Variants in DOT1L observed in about 807,000 individuals in gnomAD.
DOT1L encodes histone-lysine N-methyltransferase, H3 lysine-79 specific.
In DOT1L, 33 loss-of-function variants were observed where a neutral mutation model predicts 153.3. That is an observed-to-expected ratio of 0.22 (90% CI 0.16 to 0.29). The LOEUF (loss-of-function observed/expected upper bound fraction) is 0.29, where lower values mean the gene tolerates loss of function less well. Ranked by LOEUF, DOT1L falls within the 10% of genes least tolerant of loss-of-function variation. The pLI is 1.00. For synonymous variants in DOT1L, 1,135 were observed against 965.1 expected, an observed-to-expected ratio of 1.18 and a Z score of -3.26; for missense variants, 1,847 against 2,119.9, an observed-to-expected ratio of 0.87 and a Z score of 2.53.
chr19:2,173,607 G>A (rs2021762415), intron 1 of DOT1L, among the ~76,000 whole-genome samples: 1 of 152,164 alleles, frequency 6.6e-6, no homozygotes, highest in South Asian at 2.1e-4. Context: ...CCAGCCGGGT[G>A]GTGCCATCCG....
Position 2,208,921 on chromosome 19 carries a change from T to C in DOT1L, c.964-14T>C. The C allele has an allele frequency of 6.2e-7, 1 of 1,612,462 alleles. No individual in the cohort carries two copies. The highest frequency in any genetic ancestry group is 8.5e-7 in the Non-Finnish European group (1 of 1,179,418). On this transcript the variant is annotated splice_polypyrimidine_tract_variant and intron_variant, in intron 11 of 27. Transcript: ENST00000398665. The surrounding 1 kb of genome is among the most constrained non-coding windows in gnomAD (Gnocchi z 4.4). ...GGACTCCCTTCTAATCAGGGTTCTC[T>C]TTCTTCTTTTTAGCTTGAAAACTAT...
At chr19:2,169,150 C>T (rs1488345635) in intron 1 of DOT1L, among the ~76,000 whole-genome samples, 1 of 152,056 alleles carries the variant, frequency 6.6e-6, no homozygotes, top group East Asian at 1.9e-4. Context: ...GGCCTGGAGC[C>T]CGGCTGTGGG....
At chr19:2,176,005 AC>A (rs2021912536) in intron 1 of DOT1L, among the ~76,000 whole-genome samples, 1 of 151,884 alleles carries the variant, frequency 6.6e-6, no homozygotes, top group Non-Finnish European at 1.5e-5. Context: ...TGATCACCCA[AC>A]CTCTGTGTCC....
intron 1 of DOT1L, among the ~76,000 whole-genome samples, chr19:2,174,383 C>T: frequency 6.6e-6 from 1 of 152,234 alleles, no homozygotes; most frequent in South Asian, 2.1e-4. Context: ...GGTTGAGGGT[C>T]AAGTCTAAAA....
At chr19:2,177,542 T>C (rs1282182943) in intron 1 of DOT1L, among the ~76,000 whole-genome samples, 1 of 152,132 alleles carries the variant, frequency 6.6e-6, no homozygotes, top group Non-Finnish European at 1.5e-5. Context: ...ATAGAGCTAA[T>C]ATTTGTGTTA....
rs902863852 is a variant in DOT1L at position 2,227,520 on chromosome 19, G to T, written c.4606+393G>T. The T allele has an allele frequency of 1.2e-3, 620 of 526,598 alleles. 1 individual carries two copies. Among genetic ancestry groups the T allele is most frequent in the South Asian group, 2.2e-3 (136 of 61,678 alleles). 32.6% of individuals were successfully genotyped at this position (526,598 alleles called of 1,614,324 possible). A position where few individuals can be genotyped will look rare whatever the true frequency, so the allele number is the denominator to read the frequency against. Reference sequence around the variant, plus strand: ...CCAGACAGGGCGGAGAGGAGCCGCCGGGGGGAGCGGCCTGGCCCTGGGGCT... The same window carrying T: ...CCAGACAGGGCGGAGAGGAGCCGCCTGGGGGAGCGGCCTGGCCCTGGGGCT... On this transcript the variant is annotated intron_variant, in intron 27 of 27. Coordinates refer to ENST00000398665, the MANE Select transcript of DOT1L (RefSeq NM_032482.3).
intron 7 of DOT1L, among the ~76,000 whole-genome samples, chr19:2,199,387 A>AGCCTGGCCGAGTGTCGCTGCCT (rs1197662049): frequency 6.6e-6 from 1 of 152,212 alleles, no homozygotes; most frequent in Non-Finnish European, 1.5e-5. Flanking sequence ...AGGCTTTCTC[A>AGCCTGGCCGAGTGTCGCTGCCT]GCCTGGCCGA....
Position 2,220,230 on chromosome 19 carries a change from C to G in DOT1L, c.2806+8C>G. 2.5e-6 allele frequency: 4 copies of G among 1,608,654 alleles called. No individual in the cohort carries two copies. The highest frequency in any genetic ancestry group is 3.4e-6 in the Non-Finnish European group (4 of 1,177,392). On this transcript the variant is annotated splice_region_variant and intron_variant, in intron 23 of 27. Transcript: ENST00000398665. The surrounding 1 kb of genome is among the most constrained non-coding windows in gnomAD (Gnocchi z 4.5). ...TTGCCCTGGCCCCCGCAGGTAACGC[C>G]CCTCCTGTGCCCTACCCTCAGGACT...
rs892097786 is a variant in DOT1L, at chr19:2,197,259, T to C, written c.652-2625T>C. On this transcript the variant is annotated intron_variant, in intron 7 of 27. Transcript: ENST00000398665. This position sits in a 1 kb window ranked among gnomAD's most constrained non-coding sequence, Gnocchi z 4.1. Reference sequence around the variant, plus strand: ...TCATGGTGATTGTTCCCAAATGCTGTGCCCACAGTGGAAGCTGTGTGGTGT... The same window carrying C: ...TCATGGTGATTGTTCCCAAATGCTGCGCCCACAGTGGAAGCTGTGTGGTGT... Among the ~76,000 whole-genome samples, 5 of 152,196 alleles carry C rather than the reference T, an allele frequency of 3.3e-5. No individual in the cohort carries two copies. The highest frequency in any genetic ancestry group is 7.4e-5 in the Non-Finnish European group (5 of 68,026).
intron 6 of DOT1L, 59 bp from the exon 7 acceptor site, chr19:2,194,456 C>T (rs2144756016): frequency 6.3e-7 from 1 of 1,596,804 alleles, no homozygotes. Context: ...CAGGCGTGAG[C>T]CACCGCGCCT....
chr19:2,217,274 T>C lies in DOT1L; in HGVS notation c.2544+184T>C, dbSNP rs1202952700. On this transcript the variant is annotated intron_variant, in intron 21 of 27. Transcript: ENST00000398665. The surrounding 1 kb of genome is among the most constrained non-coding windows in gnomAD (Gnocchi z 7.3). ...AGTAAGGACAGGTCACAGGTGACGT[T>C]GGGCAGGTGCCATGGAGGACATGGG... Among the ~76,000 whole-genome samples the C allele has an allele frequency of 1.3e-5, 2 of 152,110 alleles. No individual in the cohort carries two copies. Among genetic ancestry groups the C allele is most frequent in the African/African-American group, 4.8e-5 (2 of 41,412 alleles).
intron 7 of DOT1L, 116 bp from the exon 8 acceptor site, chr19:2,199,768 T>G (rs1355427249): frequency 1.4e-6 from 2 of 1,380,064 alleles, no homozygotes; most frequent in African/African-American, 2.9e-5. Context: ...GGCCTCCTCC[T>G]GCTCCTTCAC....
rs749692146 is a variant in DOT1L, at chr19:2,217,134, C to T, written c.2544+44C>T. The stretch of plus-strand genomic sequence containing the variant: ...GCCCCGGGCTCAGGGAGGTGCTCAG[C>T]AGAGGCGGCCTGAGCGAGTTGCTAG... On this transcript the variant is annotated intron_variant, in intron 21 of 27. Coordinates refer to ENST00000398665, the MANE Select transcript of DOT1L (RefSeq NM_032482.3). The surrounding 1 kb of genome is among the most constrained non-coding windows in gnomAD (Gnocchi z 7.3). The T allele has an allele frequency of 1.4e-5, 22 of 1,529,320 alleles. No homozygotes were observed. The highest frequency in any genetic ancestry group is 1.8e-5 in the Non-Finnish European group (20 of 1,139,716). 94.7% of individuals were successfully genotyped at this position (1,529,320 alleles called of 1,614,324 possible).
Position 2,216,685 on chromosome 19 carries a change from G to A in DOT1L, c.2328G>A (p.Pro776=), listed in dbSNP as rs749662085. 8.7e-6 allele frequency: 14 copies of A among 1,603,234 alleles called. No individual in the cohort carries two copies. Among genetic ancestry groups the A allele is most frequent in the Admixed American group, 3.3e-5 (2 of 59,998 alleles). Residue 776 remains proline, a synonymous_variant, in exon 20 of 28, where the codon CCG becomes CCA. Transcript: ENST00000398665. ...CACCCGACTACACTAGGCTGTCCCC[G>A]GCCAAGATTGTGCTGAGGCGGCACC... is the stretch of plus-strand genomic sequence containing the variant. ...LAAPDYTRLS[P]AKIVLRRHLS... is the part of the protein sequence containing the mutation.
intron 22 of DOT1L, 117 bp downstream of exon 22, chr19:2,218,035 A>G (rs1443096393): frequency 1.4e-6 from 2 of 1,424,860 alleles, no homozygotes; most frequent in Non-Finnish European, 1.9e-6. Flanking sequence ...AGCGTGAGGC[A>G]ATGCAGTCAA....
chr19:2,183,144 G>T (rs13382139), intron 2 of DOT1L, among the ~76,000 whole-genome samples: 25 of 152,188 alleles, frequency 1.6e-4, no homozygotes, highest in African/African-American at 5.8e-4. Context: ...GTCCCCATAC[G>T]GCCAGTGTCC....
chr19:2,183,335 T>G (rs1184433790), intron 2 of DOT1L, among the ~76,000 whole-genome samples: 2 of 151,812 alleles, frequency 1.3e-5, no homozygotes, highest in African/African-American at 4.8e-5. Flanking sequence ...CACGCCCAGC[T>G]AATTTTTGTA....
chr19:2,187,643 C>CT (rs2022576168), intron 3 of DOT1L, among the ~76,000 whole-genome samples: 9 of 152,160 alleles, frequency 5.9e-5, no homozygotes. Flanking sequence ...AACACAGGGG[C>CT]TGGGCACCGT....
intron 3 of DOT1L, among the ~76,000 whole-genome samples, chr19:2,187,085 C>G (rs1176706654): frequency 6.6e-6 from 1 of 152,230 alleles, no homozygotes; most frequent in Non-Finnish European, 1.5e-5. Context: ...CCAGTCCCCT[C>G]TTTCTAAGCT....
Sources: allele counts gnomAD v4.1 joint callset (sites outside exome capture counted in the v4.1 genomes callset), GRCh38; gene constraint gnomAD v4.1.1; non-coding constraint Gnocchi (gnomAD v3.1); transcripts MANE v1.5; gene names NCBI Gene and HGNC (gene_info 2026-07-23, HGNC 2026-07-21).